The following MANEAL variants were observed in gnomAD, a reference collection of about 807,000 sequenced individuals.
The protein encoded by MANEAL is glycoprotein endo-alpha-1,2-mannosidase-like protein.
A neutral mutation model predicts 35.9 loss-of-function variants in MANEAL; 28 were observed. That is an observed-to-expected ratio of 0.78 (90% CI 0.58 to 1.07). The LOEUF (loss-of-function observed/expected upper bound fraction) is 1.07, where lower values mean the gene tolerates loss of function less well. MANEAL is among the 50% of genes least tolerant of loss of function. The probability of loss-of-function intolerance (pLI) is 0.00; values close to 1 mark genes in which losing one functional copy is unlikely to be tolerated. For synonymous variants in MANEAL, 286 were observed against 272.2 expected (o/e 1.05, Z -0.50); for missense variants, 576 against 629.6 (o/e 0.91, Z 0.91).
chr1:37,800,282 G>T lies in MANEAL; in HGVS notation c.*79G>T. 10 of 1,535,054 alleles carry T rather than the reference G, an allele frequency of 6.5e-6. No individual in the cohort carries two copies. Among genetic ancestry groups the T allele is most frequent in the African/African-American group, 1.4e-5 (1 of 73,574 alleles). On this transcript the variant is annotated 3_prime_UTR_variant, in exon 4 of 4. Coordinates refer to ENST00000373045, the MANE Select transcript of MANEAL (RefSeq NM_001113482.2). The stretch of plus-strand genomic sequence containing the variant: ...CACCATGTGGGGTTCAGCTGAGGTT[G>T]TAGCCACTCACTCGTTCCCAGGTCA...
At position 37,794,542 on chromosome 1, in the gene MANEAL, C is replaced by A. The variant is rs1646627009; in HGVS notation, c.360C>A (p.Gly120=). ...YSWYGSPRRE[G]HYIHWDHVMV... ...GGTACGGGAGCCCGCGGCGCGAGGG[C>A]CACTACATTCACTGGGACCACGTCA... The change falls in exon 1 of 4, where the codon GGC becomes GGA. Residue 120 remains glycine (G), a synonymous_variant. Coordinates refer to ENST00000373045, the MANE Select transcript of MANEAL (RefSeq NM_001113482.2). The surrounding 1 kb of genome is among the most constrained non-coding windows in gnomAD (Gnocchi z 5.7). 6.2e-7 allele frequency: 1 copy of A among 1,611,794 alleles called. No individual in the cohort carries two copies. The highest frequency in any genetic ancestry group is 8.5e-7 in the Non-Finnish European group (1 of 1,179,596).
At position 37,796,731 on chromosome 1, in the gene MANEAL, C is replaced by T. The variant is rs1557573496; in HGVS notation, c.661-13C>T. 2 of 1,600,564 alleles carry T rather than the reference C, an allele frequency of 1.2e-6. No individual in the cohort carries two copies. Among genetic ancestry groups the T allele is most frequent in the South Asian group, 1.1e-5 (1 of 88,894 alleles). ...AGACACTCACCTGACCATTACTCCTCTGTTTGTGGCAGGTGGCCTTCCACA... is the reference window on the plus strand; with the variant it reads ...AGACACTCACCTGACCATTACTCCTTTGTTTGTGGCAGGTGGCCTTCCACA... On this transcript the variant is annotated splice_polypyrimidine_tract_variant and intron_variant, in intron 2 of 3. Transcript: ENST00000373045.
rs754482245 is a variant in MANEAL, at chr1:37,800,942, T to C, written c.*739T>C. 2 of 152,650 alleles carry C rather than the reference T, an allele frequency of 1.3e-5. No individual in the cohort carries two copies. Among genetic ancestry groups the C allele is most frequent in the Non-Finnish European group, 2.9e-5 (2 of 68,060 alleles). The allele number at this position is 152,650 out of a possible 1,614,324, so 9.5% of individuals were successfully genotyped here. On this transcript the variant is annotated 3_prime_UTR_variant, in exon 4 of 4. Coordinates refer to ENST00000373045, the MANE Select transcript of MANEAL (RefSeq NM_001113482.2). Reference sequence around the variant, plus strand: ...TTTTACCTAGTGCTGGGAGTTCAGTTCTTTTTCCTCTAGAAAAATACCTCT... The same window carrying C: ...TTTTACCTAGTGCTGGGAGTTCAGTCCTTTTTCCTCTAGAAAAATACCTCT...
rs770788255 is a variant in MANEAL at position 37,800,183 on chromosome 1, A to G, written c.1354A>G (p.Lys452Glu). 1.9e-6 allele frequency: 3 copies of G among 1,613,402 alleles called. No individual in the cohort carries two copies. The highest frequency in any genetic ancestry group is 1.1e-5 in the South Asian group (1 of 91,084). ...CTGGGCGGAGCACTTCATCAAAGAG[A>G]AGGAGCAGTGGCTCATGTGAGGGGC... ...RRWAEHFIKE[K>E]EQWLM Residue 452 changes from lysine to glutamate, a missense_variant, in exon 4 of 4, where the codon AAG (lysine) becomes GAG (glutamate). Lys to Glu is a moderately conservative substitution (Grantham distance 56). This residue lies in a region of MANEAL where 449 missense variants were observed against 516.1 expected (regional missense o/e 0.87). Transcript: ENST00000373045.
rs778482376 is a variant in MANEAL, at chr1:37,794,697, G to A, written c.515G>A (p.Arg172Gln). 6.2e-7 allele frequency: 1 copy of A among 1,603,900 alleles called. No individual in the cohort carries two copies. Residue 172 changes from arginine to glutamine, a missense_variant, in exon 1 of 4, where the codon CGG becomes CAG. Physicochemically the swap from Arg to Gln is conservative, Grantham distance 43. Around this residue, in one of 3 missense-constraint regions of MANEAL, gnomAD observed 449 missense variants for 516.1 expected, o/e 0.87. Transcript: ENST00000373045. This position sits in a 1 kb window ranked among gnomAD's most constrained non-coding sequence, Gnocchi z 5.7. The stretch of plus-strand genomic sequence containing the variant: ...AGCTCCCGGGACCCCGAAGTGCTGC[G>A]GGAGCATATGACCCAGCTCAAGGAA... Reference protein sequence around the residue: ...PYSSRDPEVLREHMTQLKEAA... With the variant: ...PYSSRDPEVLQEHMTQLKEAA...
Position 37,799,618 on chromosome 1 carries a change from C to G in MANEAL, c.789C>G (p.Ser263Arg). The G allele has an allele frequency of 1.2e-6, 2 of 1,614,136 alleles. No individual in the cohort carries two copies. The highest frequency in any genetic ancestry group is 1.7e-6 in the Non-Finnish European group (2 of 1,180,032). ...FYRYKNSMGK[S>R]LPLFYIYDSY... ...GCTATAAGAACAGCATGGGCAAGAG[C>G]CTCCCACTCTTTTATATCTACGACT... The change falls in exon 4 of 4, where the codon AGC (serine) becomes AGG (arginine). Residue 263 changes from serine to arginine, a missense_variant. Around this residue, in one of 3 missense-constraint regions of MANEAL, gnomAD observed 449 missense variants for 516.1 expected, o/e 0.87. Coordinates refer to ENST00000373045, the MANE Select transcript of MANEAL (RefSeq NM_001113482.2). This position sits in a 1 kb window ranked among gnomAD's most constrained non-coding sequence, Gnocchi z 4.1.
Position 37,799,824 on chromosome 1 carries a change from C to T in MANEAL, c.995C>T (p.Ser332Phe). The T allele has an allele frequency of 1.9e-6, 3 of 1,614,200 alleles. No homozygotes were observed. The highest frequency in any genetic ancestry group is 2.5e-6 in the Non-Finnish European group (3 of 1,180,050). The stretch of plus-strand genomic sequence containing the variant: ...ACCTACTTTGCCTCCAATGGTTTCT[C>T]CTTTGGTTCTTCCCATCAGAACTGG... ...MYTYFASNGF[S>F]FGSSHQNWKA... Residue 332 changes from serine (S) to phenylalanine (F), a missense_variant, in exon 4 of 4, where the codon TCC (serine) becomes TTC (phenylalanine). Around this residue, in one of 3 missense-constraint regions of MANEAL, gnomAD observed 449 missense variants for 516.1 expected, o/e 0.87. Transcript: ENST00000373045. The surrounding 1 kb of genome is among the most constrained non-coding windows in gnomAD (Gnocchi z 4.1).
intron 1 of MANEAL, 102 bp from the exon 2 acceptor site, chr1:37,795,635 T>G: frequency 6.4e-7 from 1 of 1,573,138 alleles, no homozygotes; most frequent in Non-Finnish European, 8.6e-7. Context: ...TGCTTCAGGT[T>G]TTTAGGAACC....
intron 1 of MANEAL, among the ~76,000 whole-genome samples, chr1:37,795,189 A>G (rs372958182): frequency 8.5e-5 from 13 of 152,154 alleles, no homozygotes; most frequent in African/African-American, 2.9e-4. Context: ...TGTTCCATGA[A>G]GGCCTCTGCT....
chr1:37,794,301 C>A lies in MANEAL; in HGVS notation c.119C>A (p.Pro40Gln). 8.3e-7 allele frequency: 1 copy of A among 1,209,674 alleles called. No homozygotes were observed. Among genetic ancestry groups the A allele is most frequent in the Non-Finnish European group, 1.0e-6 (1 of 964,686 alleles). 74.9% of individuals were successfully genotyped at this position (1,209,674 alleles called of 1,614,324 possible). Reference sequence around the variant, plus strand: ...CCGGACGGACTCCCGGCGCTGGGCCCGGGCCTGGAGCTGGCGCCCTTTGAG... The same window carrying A: ...CCGGACGGACTCCCGGCGCTGGGCCAGGGCCTGGAGCTGGCGCCCTTTGAG... Reference protein sequence around the residue: ...KAPDGLPALGPGLELAPFERR... With the variant: ...KAPDGLPALGQGLELAPFERR... The change falls in exon 1 of 4, where the codon CCG (proline) becomes CAG (glutamine). Residue 40 changes from proline (P) to glutamine (Q), a missense_variant. Pro to Gln is a moderately conservative substitution (Grantham distance 76, BLOSUM62 -1). Coordinates refer to ENST00000373045, the MANE Select transcript of MANEAL (RefSeq NM_001113482.2). This position sits in a 1 kb window ranked among gnomAD's most constrained non-coding sequence, Gnocchi z 5.7.
At position 37,800,036 on chromosome 1, in the gene MANEAL, T is replaced by G. The variant is rs1342142262; in HGVS notation, c.1207T>G (p.Ser403Ala). The change falls in exon 4 of 4, where the codon TCC becomes GCC. Residue 403 changes from serine (S) to alanine (A), a missense_variant. Around this residue, in one of 3 missense-constraint regions of MANEAL, gnomAD observed 449 missense variants for 516.1 expected, o/e 0.87. Transcript: ENST00000373045. ...GAGGCCCGAGATCGTTTCCATTACC[T>G]CCTTCAATGAGTGGCACGAGGGCAC... Reference protein sequence around the residue: ...TVRPEIVSITSFNEWHEGTQI... With the variant: ...TVRPEIVSITAFNEWHEGTQI... 1 of 1,613,926 alleles carries G rather than the reference T, an allele frequency of 6.2e-7. No homozygotes were observed. Among genetic ancestry groups the G allele is most frequent in the African/African-American group, 1.3e-5 (1 of 74,862 alleles).
chr1:37,795,543 C>A, intron 1 of MANEAL, 194 bp from the exon 2 acceptor site: 1 of 1,403,110 alleles, frequency 7.1e-7, no homozygotes, highest in Non-Finnish European at 9.3e-7. Context: ...GCAGGCGCTC[C>A]GCTTCAGCAC....
At chr1:37,796,183 T>A (rs1188843831) in intron 2 of MANEAL, among the ~76,000 whole-genome samples, 1 of 152,094 alleles carries the variant, frequency 6.6e-6, no homozygotes, top group Non-Finnish European at 1.5e-5. Flanking sequence ...AACTCTCTAG[T>A]GGGAGGCAGT....
chr1:37,795,212 G>C (rs1376933745), intron 1 of MANEAL, among the ~76,000 whole-genome samples: 4 of 152,314 alleles, frequency 2.6e-5, no homozygotes, highest in Admixed American at 2.6e-4. Context: ...ATTTGCAGTT[G>C]GAGGTAGTGT....
chr1:37,799,566 G>A lies in MANEAL; in HGVS notation c.738-1G>A, dbSNP rs1646675957. Reference sequence around the variant, plus strand: ...CTGAGGCTCTTCTTTCTCCTTCTCAGGTATGGCTCCCATGGTGCATTTTAC... The same window carrying A: ...CTGAGGCTCTTCTTTCTCCTTCTCAAGTATGGCTCCCATGGTGCATTTTAC... On this transcript the variant is annotated splice_acceptor_variant, in intron 3 of 3. Transcript: ENST00000373045. LOFTEE classifies it high-confidence loss of function. The surrounding 1 kb of genome is among the most constrained non-coding windows in gnomAD (Gnocchi z 4.1). 1 of 1,611,676 alleles carries A rather than the reference G, an allele frequency of 6.2e-7. No individual in the cohort carries two copies. Among genetic ancestry groups the A allele is most frequent in the African/African-American group, 1.3e-5 (1 of 74,836 alleles).
chr1:37,795,182 T>G (rs1210196490), intron 1 of MANEAL, among the ~76,000 whole-genome samples: 2 of 152,174 alleles, frequency 1.3e-5, no homozygotes, highest in Non-Finnish European at 2.9e-5. Context: ...GTGCCCGTGT[T>G]CCATGAAGGC....
rs1442544954 is a variant in MANEAL at position 37,800,154 on chromosome 1, G to A, written c.1325G>A (p.Arg442His). The change falls in exon 4 of 4, where the codon CGC becomes CAC. Residue 442 changes from arginine (R) to histidine (H), a missense_variant. Arg to His is a conservative substitution (Grantham distance 29). This residue lies in a region of MANEAL where 449 missense variants were observed against 516.1 expected (regional missense o/e 0.87). Transcript: ENST00000373045. ...CCCAGCCTGTACCTGGAGCTGACACGCCGCTGGGCGGAGCACTTCATCAAA... is the reference window on the plus strand; with the variant it reads ...CCCAGCCTGTACCTGGAGCTGACACACCGCTGGGCGGAGCACTTCATCAAA... ...HQPSLYLELT[R>H]RWAEHFIKEK... 2.5e-6 allele frequency: 4 copies of A among 1,613,856 alleles called. No individual in the cohort carries two copies. The highest frequency in any genetic ancestry group is 4.5e-5 in the East Asian group (2 of 44,904).
At position 37,794,330 on chromosome 1, in the gene MANEAL, C is replaced by T. The variant is rs1193412948; in HGVS notation, c.148C>T (p.Arg50Cys). The T allele has an allele frequency of 9.0e-7, 1 of 1,111,454 alleles. No individual in the cohort carries two copies. Among genetic ancestry groups the T allele is most frequent in the Non-Finnish European group, 1.1e-6 (1 of 909,670 alleles). 68.8% of individuals were successfully genotyped at this position (1,111,454 alleles called of 1,614,324 possible). Residue 50 changes from arginine to cysteine, a missense_variant, in exon 1 of 4, where the codon CGC becomes TGC. By Grantham distance (180) the Arg-to-Cys change is radical. Around this residue, in one of 3 missense-constraint regions of MANEAL, gnomAD observed 122 missense variants for 97.2 expected, o/e 1.26. Transcript: ENST00000373045. The surrounding 1 kb of genome is among the most constrained non-coding windows in gnomAD (Gnocchi z 5.7). ...PGLELAPFERRPEGAPAPAAR... is the reference protein window; with the variant it reads ...PGLELAPFERCPEGAPAPAAR... ...CCTGGAGCTGGCGCCCTTTGAGCGA[C>T]GCCCAGAGGGGGCCCCCGCGCCCGC...
In MANEAL at chr1:37,801,040, C is replaced by A. The variant is rs1376730700; in HGVS notation, c.*837C>A. On this transcript the variant is annotated 3_prime_UTR_variant, in exon 4 of 4. Coordinates refer to ENST00000373045, the MANE Select transcript of MANEAL (RefSeq NM_001113482.2). ...GAGGACTAGGAGGAAATCCCCCTCC[C>A]TTTAGCTGCCTGAACTGACTGAGGC... The A allele has an allele frequency of 1.4e-5, 2 of 145,710 alleles. No homozygotes were observed. Among genetic ancestry groups the A allele is most frequent in the African/African-American group, 2.4e-5 (1 of 41,014 alleles). The allele number at this position is 145,710 out of a possible 1,614,324, so 9.0% of individuals were successfully genotyped here.
Sources: gnomAD v4.1 joint callset for allele counts (sites outside exome capture counted in the v4.1 genomes callset) on GRCh38, gnomAD v4.1.1 for gene constraint, gnomAD v4.1.1 regional missense constraint, Gnocchi (gnomAD v3.1) non-coding constraint, MANE v1.5 for transcripts, NCBI Gene and HGNC (gene_info 2026-07-23, HGNC 2026-07-21) for gene names.